The following POGLUT3 variants were observed in gnomAD, a reference collection of about 807,000 sequenced individuals.
POGLUT3 encodes KDEL (Lys-Asp-Glu-Leu) containing 2.
Under a neutral mutation model 54.3 loss-of-function variants are expected in POGLUT3, and 48 were observed. The observed-to-expected ratio is 0.88, with a 90% CI of 0.70 to 1.12. The LOEUF (loss-of-function observed/expected upper bound fraction) is 1.12. Among genes scored for constraint, POGLUT3 ranks in the 50% most tolerant of loss-of-function variants. POGLUT3 has a pLI of 0.00. For synonymous variants in POGLUT3, 218 were observed against 237.4 expected (o/e 0.92, Z 0.75); for missense variants, 629 against 618.7 (o/e 1.02, Z -0.18).
intron 1 of POGLUT3, among the ~76,000 whole-genome samples, chr11:108,491,710 G>A (rs1024606688): frequency 1.3e-5 from 2 of 152,050 alleles, no homozygotes; most frequent in African/African-American, 2.4e-5. Flanking sequence ...TTCAAACCAC[G>A]GATCAGACTC....
At chr11:108,492,271 T>C (rs1421029274) in intron 1 of POGLUT3, among the ~76,000 whole-genome samples, 1 of 152,230 alleles carries the variant, frequency 6.6e-6, no homozygotes, top group Non-Finnish European at 1.5e-5. Flanking sequence ...TCCTATTAGC[T>C]GACATTTAGG....
rs1470349066 is a variant in POGLUT3, at chr11:108,479,338, T to C, written c.1256A>G (p.Asn419Ser). 6.2e-7 allele frequency: 1 copy of C among 1,611,460 alleles called. No individual in the cohort carries two copies. Among genetic ancestry groups the C allele is most frequent in the Admixed American group, 1.7e-5 (1 of 58,920 alleles). Residue 419 changes from asparagine to serine, a missense_variant, in exon 6 of 8, where the codon AAT becomes AGT. By Grantham distance (46) the Asn-to-Ser change is conservative. Transcript: ENST00000323468. ...PWKHYVPIKR[N>S]LSDLLEKVKW... ...AACTTTCTCTAATAAATCACTCAGA[T>C]TTCTTTTAATTGGAACATAATGCTT...
chr11:108,482,343 G>A (rs182878094), intron 3 of POGLUT3, 121 bp from the exon 4 acceptor site: 2 of 652,674 alleles, frequency 3.1e-6, no homozygotes, highest in East Asian at 5.5e-5. Context: ...AAACAGAGAA[G>A]AGAGAAGAAT....
At chr11:108,491,832 T>C (rs1346279669) in intron 1 of POGLUT3, among the ~76,000 whole-genome samples, 2 of 152,220 alleles carry the variant, frequency 1.3e-5, no homozygotes, top group African/African-American at 4.8e-5. Context: ...TTTCCTCCTT[T>C]GGGTAGGATT....
chr11:108,498,125 C>A, intron 1 of POGLUT3, 40 bp downstream of exon 1: 2 of 1,469,962 alleles, frequency 1.4e-6, no homozygotes, highest in South Asian at 1.3e-5. Context: ...CGCGCGGGGA[C>A]CCGGCCGCGG....
intron 2 of POGLUT3, among the ~76,000 whole-genome samples, chr11:108,488,325 T>G: frequency 6.6e-6 from 1 of 152,222 alleles, no homozygotes; most frequent in East Asian, 1.9e-4. Context: ...GCACCTGGCC[T>G]TAAACAATAG....
intron 3 of POGLUT3, among the ~76,000 whole-genome samples, chr11:108,485,059 A>G (rs2093600239): frequency 6.6e-6 from 1 of 152,200 alleles, no homozygotes. Context: ...CCCAGAGGCA[A>G]GTATGACTGA....
rs187767978 is a variant in POGLUT3 at position 108,480,072 on chromosome 11, G to T, written c.1099-577C>A. 2.0e-5 allele frequency among the ~76,000 whole-genome samples: 3 copies of T among 152,182 alleles called. No individual in the cohort carries two copies. In the South Asian group the frequency reaches 6.2e-4, roughly 31 times the overall value. ...GCTGGCCTCAAACTCCTGACCTCAG[G>T]TGATTCGCCCGCCTCAGCCTCCCAA... On this transcript the variant is annotated intron_variant, in intron 5 of 7. Coordinates refer to ENST00000323468, the MANE Select transcript of POGLUT3 (RefSeq NM_153705.5).
intron 1 of POGLUT3, among the ~76,000 whole-genome samples, chr11:108,495,369 C>T (rs2093620512): frequency 6.6e-6 from 1 of 152,088 alleles, no homozygotes; most frequent in South Asian, 2.1e-4. Flanking sequence ...ATGGGTTTTG[C>T]CATGTTGCCC....
rs1388722883 is a variant in POGLUT3 at position 108,486,163 on chromosome 11, T to C, written c.678A>G (p.Thr226=). Residue 226 remains threonine (T), a synonymous_variant, in exon 3 of 8, where the codon ACA becomes ACG. Transcript: ENST00000323468. ...MFSDEILLSL[T]RKVLLPDLEF... is the part of the protein sequence containing the mutation. ...AATTCATTCATTCTCCTACCTTTCT[T>C]GTCAATGATAACAAAATCTCATCAG... The C allele has an allele frequency of 6.2e-7, 1 of 1,603,526 alleles. No individual in the cohort carries two copies. Among genetic ancestry groups the C allele is most frequent in the East Asian group, 2.2e-5 (1 of 44,714 alleles).
intron 6 of POGLUT3, among the ~76,000 whole-genome samples, chr11:108,478,550 G>A (rs56328824): frequency 0.035 from 5,272 of 152,276 alleles, 299 homozygotes; most frequent in African/African-American, 0.12. Context: ...TTTTGTAACC[G>A]AAAAATTCAG....
intron 1 of POGLUT3, among the ~76,000 whole-genome samples, chr11:108,496,590 C>T (rs1262685026): frequency 2.0e-5 from 3 of 150,914 alleles, no homozygotes; most frequent in Non-Finnish European, 4.4e-5. Context: ...TCAATAGAGT[C>T]GGAATTATTT....
At chr11:108,490,848 G>T in intron 2 of POGLUT3, 122 bp downstream of exon 2, 1 of 595,214 alleles carries the variant, frequency 1.7e-6, no homozygotes, top group Non-Finnish European at 2.9e-6. Flanking sequence ...TTGAGCTCCA[G>T]GAGGTATGTA....
In POGLUT3 at chr11:108,479,324, A is replaced by G. The variant is rs766033880; in HGVS notation, c.1270T>C (p.Leu424=). The G allele has an allele frequency of 2.5e-6, 4 of 1,610,368 alleles. No individual in the cohort carries two copies. The African/African-American group carries it at 4.0e-5, about 16-fold the overall frequency. ...VPIKRNLSDL[L]EKVKWAKEND... is the part of the protein sequence containing the mutation. ...ACCTTAGCCCATTTAACTTTCTCTA[A>G]TAAATCACTCAGATTTCTTTTAATT... The change falls in exon 6 of 8, where the codon TTA becomes CTA. Residue 424 remains leucine (L), a synonymous_variant. Transcript: ENST00000323468.
chr11:108,481,888 G>C (rs2093593387), intron 4 of POGLUT3, 118 bp downstream of exon 4: 2 of 749,102 alleles, frequency 2.7e-6, no homozygotes, highest in Non-Finnish European at 4.3e-6. Flanking sequence ...CCCTAGGTTG[G>C]TCAGAATTTT....
chr11:108,480,033 C>T (rs2135848834), intron 5 of POGLUT3, among the ~76,000 whole-genome samples: 1 of 152,134 alleles, frequency 6.6e-6, no homozygotes, highest in Non-Finnish European at 1.5e-5. Flanking sequence ...ACAGGGTTTC[C>T]CCATGTTGGC....
At chr11:108,477,889 C>T (rs1457947894) in intron 6 of POGLUT3, 178 bp from the exon 7 acceptor site, 1 of 597,086 alleles carries the variant, frequency 1.7e-6, no homozygotes, top group East Asian at 2.9e-5. Flanking sequence ...TGGCTCACAC[C>T]TGTAATCCCA....
rs755770641 is a variant in POGLUT3 at position 108,474,876 on chromosome 11, G to T, written c.1475C>A (p.Thr492Lys). The change falls in exon 8 of 8, where the codon ACA (threonine) becomes AAA (lysine). Residue 492 changes from threonine to lysine, a missense_variant. Coordinates refer to ENST00000323468, the MANE Select transcript of POGLUT3 (RefSeq NM_153705.5). The part of the protein sequence containing the change: ...MELVPQPEDS[T>K]AICQCHRKKP... ...TTTCCTGTGGCACTGGCAGATGGCT[G>T]TGCTATCTTCTGGCTGAGGAACAAG... 1.2e-6 allele frequency: 2 copies of T among 1,613,916 alleles called. No homozygotes were observed. Among genetic ancestry groups the T allele is most frequent in the African/African-American group, 2.7e-5 (2 of 74,912 alleles).
At chr11:108,486,497 G>A (rs2093603751) in intron 2 of POGLUT3, 57 bp from the exon 3 acceptor site, 1 of 1,532,996 alleles carries the variant, frequency 6.5e-7, no homozygotes, top group Non-Finnish European at 8.9e-7. Flanking sequence ...CACAACACAG[G>A]GAGTCACTTC....
Sources: gnomAD v4.1 joint callset for allele counts (sites outside exome capture counted in the v4.1 genomes callset) on GRCh38, gnomAD v4.1.1 for gene constraint, MANE v1.5 for transcripts, NCBI Gene and HGNC (gene_info 2026-07-23, HGNC 2026-07-21) for gene names.